The following PITPNB variants were observed in gnomAD, a reference collection of about 807,000 sequenced individuals.
PITPNB encodes the protein phosphatidylinositol transfer protein beta isoform.
PITPNB carries 16 observed loss-of-function variants against 45.9 expected under a neutral mutation model. The observed-to-expected ratio is 0.35, with a 90% CI of 0.24 to 0.53. The LOEUF (loss-of-function observed/expected upper bound fraction) is 0.53, where lower values mean the gene tolerates loss of function less well. Ranked by LOEUF, PITPNB falls within the 20% of genes least tolerant of loss-of-function variation. The pLI is 0.93. For missense variants in PITPNB, 188 were observed against 330.5 expected, an observed-to-expected ratio of 0.57 and a Z score of 3.34; for synonymous variants, 112 against 108.9, an observed-to-expected ratio of 1.03 and a Z score of -0.18.
chr22:27,918,763 G>A (rs1368976423), intron 1 of PITPNB, among the ~76,000 whole-genome samples: 1 of 152,120 alleles, frequency 6.6e-6, no homozygotes, highest in African/African-American at 2.4e-5. Flanking sequence ...CACCCCGGAC[G>A]ACAAATCACA....
intron 8 of PITPNB, among the ~76,000 whole-genome samples, chr22:27,866,394 G>A (rs761785722): frequency 2.0e-5 from 3 of 152,156 alleles, no homozygotes; most frequent in Non-Finnish European, 4.4e-5. Flanking sequence ...AGGTCTTAGG[G>A]GGAGTAATGT....
At chr22:27,870,611 T>C (rs980136520) in intron 8 of PITPNB, among the ~76,000 whole-genome samples, 2 of 152,234 alleles carry the variant, frequency 1.3e-5, no homozygotes, top group Non-Finnish European at 2.9e-5. Flanking sequence ...TCAGCCATAA[T>C]TATCATGTTT....
Position 27,856,117 on chromosome 22 carries a change from G to A in PITPNB, c.769-1178C>T, listed in dbSNP as rs796773744. ...CTTAAATGGGATTCAACGTTAAGAT[G>A]CACCACTTAATGGTGAAATTTGTCT... is the stretch of plus-strand genomic sequence containing the variant. On this transcript the variant is annotated intron_variant, in intron 10 of 11. Coordinates refer to ENST00000335272, the MANE Select transcript of PITPNB (RefSeq NM_012399.5). 6.8e-3 allele frequency among the ~76,000 whole-genome samples: 1,033 copies of A among 152,306 alleles called. 7 individuals carry two copies. Among genetic ancestry groups the A allele is most frequent in the African/African-American group, 0.023 (938 of 41,544 alleles).
intron 3 of PITPNB, among the ~76,000 whole-genome samples, chr22:27,903,196 A>G (rs12166069): frequency 0.043 from 6,560 of 151,932 alleles, 239 homozygotes; most frequent in African/African-American, 0.092. Context: ...GAGGCCAGGC[A>G]TGGTGGCTCA....
At chr22:27,907,872 G>A (rs1935809061) in intron 3 of PITPNB, among the ~76,000 whole-genome samples, 2 of 151,806 alleles carry the variant, frequency 1.3e-5, no homozygotes, top group Admixed American at 6.6e-5. Context: ...CTATTTCTCA[G>A]GATTGCAATG....
At chr22:27,861,983 T>C (rs1315934349) in intron 8 of PITPNB, among the ~76,000 whole-genome samples, 3 of 152,188 alleles carry the variant, frequency 2.0e-5, no homozygotes, top group South Asian at 2.1e-4. Context: ...ACCCCTTTTA[T>C]AAAAACTAAA....
At chr22:27,854,203 C>G (rs1934108301) in intron 11 of PITPNB, among the ~76,000 whole-genome samples, 2 of 151,560 alleles carry the variant, frequency 1.3e-5, no homozygotes, top group South Asian at 4.2e-4. Context: ...TTTTTGTTTA[C>G]TCACACTGGT....
chr22:27,915,581 T>C (rs576716242), intron 1 of PITPNB, among the ~76,000 whole-genome samples: 3 of 152,274 alleles, frequency 2.0e-5, no homozygotes, highest in South Asian at 2.1e-4. Context: ...TCCCTCCCCT[T>C]TGACTACTGA....
intron 8 of PITPNB, among the ~76,000 whole-genome samples, chr22:27,872,249 G>A (rs548763787): frequency 1.1e-4 from 16 of 151,722 alleles, no homozygotes; most frequent in African/African-American, 3.1e-4. Context: ...AAGCACCATC[G>A]TGCCCAGCTA....
At chr22:27,915,486 T>C (rs951100204) in intron 1 of PITPNB, among the ~76,000 whole-genome samples, 1 of 152,122 alleles carries the variant, frequency 6.6e-6, no homozygotes, top group African/African-American at 2.4e-5. Flanking sequence ...ACACTTTCCA[T>C]CTACTCCTTT....
chr22:27,900,045 T>C (rs1255098906), intron 3 of PITPNB, among the ~76,000 whole-genome samples: 1 of 151,746 alleles, frequency 6.6e-6, no homozygotes. Flanking sequence ...CTACTAAAAA[T>C]ACAAAAAATT....
intron 3 of PITPNB, among the ~76,000 whole-genome samples, chr22:27,899,424 G>A (rs573779163): frequency 1.3e-5 from 2 of 152,194 alleles, no homozygotes; most frequent in African/African-American, 2.4e-5. Flanking sequence ...TTGGGTTCAC[G>A]CCATTCTCCT....
intron 7 of PITPNB, among the ~76,000 whole-genome samples, chr22:27,887,455 A>T (rs1021814945): frequency 6.6e-6 from 1 of 151,972 alleles, no homozygotes; most frequent in Non-Finnish European, 1.5e-5. Context: ...GGATCTGGCC[A>T]TTCAACCATC....
At chr22:27,883,720 G>C (rs1935038106) in intron 7 of PITPNB, among the ~76,000 whole-genome samples, 1 of 152,312 alleles carries the variant, frequency 6.6e-6, no homozygotes, top group Non-Finnish European at 1.5e-5. Flanking sequence ...GACCCTCAGG[G>C]GCTCTAAAAA....
chr22:27,880,215 C>T (rs187011209), intron 7 of PITPNB, among the ~76,000 whole-genome samples: 1 of 152,250 alleles, frequency 6.6e-6, no homozygotes, highest in Admixed American at 6.5e-5. Flanking sequence ...CCAAAGCCAA[C>T]CATGATCCTT....
At chr22:27,891,237 T>C (rs1206553083) in intron 7 of PITPNB, among the ~76,000 whole-genome samples, 1 of 152,222 alleles carries the variant, frequency 6.6e-6, no homozygotes, top group Non-Finnish European at 1.5e-5. Flanking sequence ...ATTTAGATTA[T>C]GTGTATTTTA....
At chr22:27,860,321 A>G (rs1391526286) in intron 8 of PITPNB, 80 bp from the exon 9 acceptor site, 1 of 749,348 alleles carries the variant, frequency 1.3e-6, no homozygotes, top group Middle Eastern at 2.4e-4. Context: ...GTATAACGAC[A>G]TCATAGACAT....
At chr22:27,883,357 C>G (rs760125756) in intron 7 of PITPNB, among the ~76,000 whole-genome samples, 8 of 152,290 alleles carry the variant, frequency 5.3e-5, no homozygotes, top group Non-Finnish European at 1.0e-4. Context: ...ATTCTTTTAA[C>G]AGTAAAAATA....
Position 27,858,525 on chromosome 22 carries a change from CA to C in PITPNB, c.646-17del, listed in dbSNP as rs1311973394. Reference sequence around the variant, plus strand: ...GTTTTTCTTGCTTTTAAAACAACAACAAAAAAGTAGCATAAGATGACAAAAA... The same window carrying C: ...GTTTTTCTTGCTTTTAAAACAACAACAAAAAGTAGCATAAGATGACAAAAA... On this transcript the variant is annotated splice_polypyrimidine_tract_variant and intron_variant, in intron 9 of 11. Coordinates refer to ENST00000335272, the MANE Select transcript of PITPNB (RefSeq NM_012399.5). 25 of 1,597,844 alleles carry C rather than the reference CA, an allele frequency of 1.6e-5. No individual in the cohort carries two copies. In the African/African-American group the frequency reaches 3.0e-4, roughly 19 times the overall value.
Sources: allele counts gnomAD v4.1 joint callset (sites outside exome capture counted in the v4.1 genomes callset), GRCh38; gene constraint gnomAD v4.1.1; transcripts MANE v1.5; gene names NCBI Gene and HGNC (gene_info 2026-07-23, HGNC 2026-07-21).